The following ANKRD33B variants were observed in gnomAD, a reference collection of about 807,000 sequenced individuals.
The protein encoded by ANKRD33B is ankyrin repeat domain-containing protein 33B.
A neutral mutation model predicts 21.5 loss-of-function variants in ANKRD33B; 6 were observed. That is an observed-to-expected ratio of 0.28 (90% confidence interval 0.15 to 0.55). The LOEUF is 0.55. Ranked by LOEUF, ANKRD33B falls within the 20% of genes least tolerant of loss-of-function variation. The pLI is 0.94. For synonymous variants in ANKRD33B, 347 were observed against 342.4 expected (o/e 1.01, Z -0.15); for missense variants, 698 against 747.2 (o/e 0.93, Z 0.77).
At position 10,650,240 on chromosome 5, in the gene ANKRD33B, G is replaced by GC. The variant is rs2126612428; in HGVS notation, c.*128dup. The GC allele has an allele frequency of 9.6e-7, 1 of 1,044,070 alleles. No individual in the cohort carries two copies. Among genetic ancestry groups the GC allele is most frequent in the East Asian group, 3.4e-5 (1 of 29,736 alleles). The allele number at this position is 1,044,070 out of a possible 1,614,324, so 64.7% of individuals were successfully genotyped here. A position where few individuals can be genotyped will look rare whatever the true frequency, so the allele number is the denominator to read the frequency against. ...CGCTCCATGGACCACGGGGCTGCGC[G>GC]CATTTCCAGGCTGTTTGTCCAGGCT... On this transcript the variant is annotated 3_prime_UTR_variant, in exon 4 of 4. Transcript: ENST00000296657.
chr5:10,567,620 C>T (rs1398616688), intron 1 of ANKRD33B, among the ~76,000 whole-genome samples: 1 of 152,184 alleles, frequency 6.6e-6, no homozygotes, highest in Non-Finnish European at 1.5e-5. Context: ...CTTGTCCAAG[C>T]CTACAGAACC....
At chr5:10,624,168 C>T (rs1462356896) in intron 2 of ANKRD33B, among the ~76,000 whole-genome samples, 2 of 131,222 alleles carry the variant, frequency 1.5e-5, no homozygotes, top group African/African-American at 5.7e-5. Context: ...CTTGCTCTAT[C>T]GCCCAGGCTG....
intron 2 of ANKRD33B, among the ~76,000 whole-genome samples, chr5:10,633,661 A>G (rs752634019): frequency 1.2e-4 from 19 of 152,070 alleles, no homozygotes; most frequent in Non-Finnish European, 2.8e-4. Flanking sequence ...GGCATTTAGC[A>G]CTCATGGCTC....
rs779303497 is a variant in ANKRD33B, at chr5:10,564,765, C to T, written c.298C>T (p.Leu100=). ...CGCCGCCTGCGCCAACAACGTGGGG[C>T]TGCTGCGGACGCTGGTGCGGCGCGG... ...LRAACANNVG[L]LRTLVRRGVS... is the part of the protein sequence containing the mutation. The change falls in exon 1 of 4, where the codon CTG becomes TTG. Residue 100 remains leucine (L), a synonymous_variant. Coordinates refer to ENST00000296657, the MANE Select transcript of ANKRD33B (RefSeq NM_001164440.2). 9.2e-6 allele frequency: 14 copies of T among 1,527,250 alleles called. No individual in the cohort carries two copies. The South Asian group carries it at 1.4e-4, about 16-fold the overall frequency. 94.6% of individuals were successfully genotyped at this position (1,527,250 alleles called of 1,614,324 possible).
intron 3 of ANKRD33B, among the ~76,000 whole-genome samples, chr5:10,645,161 A>T (rs1737164581): frequency 6.6e-6 from 1 of 152,314 alleles, no homozygotes; most frequent in South Asian, 2.1e-4. Context: ...CAGATTTGTC[A>T]TCCCGATTAT....
In ANKRD33B at chr5:10,657,184, C is replaced by G. The variant is rs1737509832; in HGVS notation, c.*7071C>G. 1 of 152,364 alleles carries G rather than the reference C, an allele frequency of 6.6e-6. No individual in the cohort carries two copies. The highest frequency in any genetic ancestry group is 1.5e-5 in the Non-Finnish European group (1 of 68,034). 9.4% of individuals were successfully genotyped at this position (152,364 alleles called of 1,614,324 possible). A position where few individuals can be genotyped will look rare whatever the true frequency, so the allele number is the denominator to read the frequency against. On this transcript the variant is annotated 3_prime_UTR_variant, in exon 4 of 4. Coordinates refer to ENST00000296657, the MANE Select transcript of ANKRD33B (RefSeq NM_001164440.2). ...ATGACAGGCCCAGAAATATGACCAG[C>G]AAGCCCGTGAGCCTTTGGGGCATCC...
intron 1 of ANKRD33B, among the ~76,000 whole-genome samples, chr5:10,598,667 C>A (rs1039257434): frequency 1.3e-5 from 2 of 152,138 alleles, no homozygotes; most frequent in African/African-American, 4.8e-5. Flanking sequence ...CTTGGAACTC[C>A]TGGGCTCTAG....
intron 1 of ANKRD33B, among the ~76,000 whole-genome samples, chr5:10,608,584 A>T (rs1736101708): frequency 6.6e-6 from 1 of 151,986 alleles, no homozygotes; most frequent in African/African-American, 2.4e-5. Context: ...ATGTGTTCAT[A>T]TATTGTGCTA....
chr5:10,618,518 G>A, intron 2 of ANKRD33B, 56 bp downstream of exon 2: 1 of 1,469,454 alleles, frequency 6.8e-7, no homozygotes, highest in South Asian at 1.4e-5. Context: ...ACCGCCGCCG[G>A]GCAGCCCGGG....
Position 10,650,376 on chromosome 5 carries a change from CAATT to C in ANKRD33B, c.*266_*269del, listed in dbSNP as rs1354028216. 2 of 298,738 alleles carry C rather than the reference CAATT, an allele frequency of 6.7e-6. No individual in the cohort carries two copies. The highest frequency in any genetic ancestry group is 1.2e-5 in the Non-Finnish European group (2 of 162,778). 18.5% of individuals were successfully genotyped at this position (298,738 alleles called of 1,614,324 possible). The stretch of plus-strand genomic sequence containing the variant: ...CTAAAAGGCTCCCTTTAGAGAACCT[CAATT>C]AAGATTTTTTTTAAAGATCAATTTA... On this transcript the variant is annotated 3_prime_UTR_variant, in exon 4 of 4. Coordinates refer to ENST00000296657, the MANE Select transcript of ANKRD33B (RefSeq NM_001164440.2).
intron 1 of ANKRD33B, among the ~76,000 whole-genome samples, chr5:10,598,216 C>T (rs1471973492): frequency 6.6e-6 from 1 of 152,100 alleles, no homozygotes; most frequent in Non-Finnish European, 1.5e-5. Context: ...TCTAGCCTGC[C>T]CCTTCTAGCA....
At position 10,597,429 on chromosome 5, in the gene ANKRD33B, TA is replaced by T. The variant is rs1167815364; in HGVS notation, c.367-20897del. Reference sequence around the variant, plus strand: ...AAAACAGGCTTTAAACCAACAAAGATAAAAAAAGACAAAGAAGGGCATTACA... The same window carrying T: ...AAAACAGGCTTTAAACCAACAAAGATAAAAAAGACAAAGAAGGGCATTACA... On this transcript the variant is annotated intron_variant, in intron 1 of 3. Transcript: ENST00000296657. Among the ~76,000 whole-genome samples, 4 of 151,476 alleles carry T rather than the reference TA, an allele frequency of 2.6e-5. No homozygotes were observed. The East Asian group carries it at 5.8e-4, about 22-fold the overall frequency.
At chr5:10,565,442 A>AC (rs1735025932) in intron 1 of ANKRD33B, among the ~76,000 whole-genome samples, 1 of 152,216 alleles carries the variant, frequency 6.6e-6, no homozygotes, top group African/African-American at 2.4e-5. Flanking sequence ...GCGACCAGCC[A>AC]ACGTGATCTC....
At chr5:10,569,157 C>T (rs1370946934) in intron 1 of ANKRD33B, among the ~76,000 whole-genome samples, 1 of 152,148 alleles carries the variant, frequency 6.6e-6, no homozygotes, top group Non-Finnish European at 1.5e-5. Context: ...GGCCTCGGTG[C>T]TCATGGCCTG....
intron 2 of ANKRD33B, among the ~76,000 whole-genome samples, chr5:10,637,454 A>ACACACACC (rs1473715052): frequency 7.4e-6 from 1 of 135,694 alleles, no homozygotes; most frequent in Non-Finnish European, 1.6e-5. Context: ...ACACACACAC[A>ACACACACC]CACACACACG....
At chr5:10,604,234 C>T (rs1333414998) in intron 1 of ANKRD33B, among the ~76,000 whole-genome samples, 4 of 144,778 alleles carry the variant, frequency 2.8e-5, no homozygotes, top group African/African-American at 7.7e-5. Context: ...CTCTGTCACC[C>T]GGGCTGGAGT....
intron 1 of ANKRD33B, among the ~76,000 whole-genome samples, chr5:10,604,176 G>GCCA (rs1248270455): frequency 6.9e-6 from 1 of 144,340 alleles, no homozygotes; most frequent in Non-Finnish European, 1.5e-5. Flanking sequence ...ACAGGTGTGA[G>GCCA]CCACCGCGCC....
rs1735968482 is a variant in ANKRD33B, at chr5:10,603,159, G to T, written c.367-15174G>T. ...CCCAACTCTTTCTAGAAAAGGATGG[G>T]AGGCAGCTTTCTGTCTTCTGTACAG... is the stretch of plus-strand genomic sequence containing the variant. On this transcript the variant is annotated intron_variant, in intron 1 of 3. Coordinates refer to ENST00000296657, the MANE Select transcript of ANKRD33B (RefSeq NM_001164440.2). Among the ~76,000 whole-genome samples, 3 of 152,152 alleles carry T rather than the reference G, an allele frequency of 2.0e-5. No individual in the cohort carries two copies. The South Asian group carries it at 6.2e-4, about 32-fold the overall frequency.
At chr5:10,616,928 T>G (rs1485787925) in intron 1 of ANKRD33B, among the ~76,000 whole-genome samples, 1 of 152,208 alleles carries the variant, frequency 6.6e-6, no homozygotes. Flanking sequence ...TTCTCACAGT[T>G]CTGGAGGCTG....
Sources: gnomAD v4.1 joint callset for allele counts (sites outside exome capture counted in the v4.1 genomes callset) on GRCh38, gnomAD v4.1.1 for gene constraint, MANE v1.5 for transcripts, NCBI Gene and HGNC (gene_info 2026-07-23, HGNC 2026-07-21) for gene names.